The following TRDN variants were observed in gnomAD, a reference collection of about 807,000 sequenced individuals.
TRDN encodes the protein triadin, also known as triadin in skeletal muscle.
TRDN carries 161 observed loss-of-function variants against 149.7 expected under a neutral mutation model. The observed-to-expected ratio is 1.08, with a 90% CI of 0.95 to 1.23. The LOEUF (loss-of-function observed/expected upper bound fraction) is 1.23, where lower values mean the gene tolerates loss of function less well. Among genes scored for constraint, TRDN ranks in the 50% most tolerant of loss-of-function variants. The pLI is 0.00. For missense variants in TRDN, 896 were observed against 823.5 expected (o/e 1.09, Z -1.08); for synonymous variants, 294 against 250.5 (o/e 1.17, Z -1.64).
chr6:123,466,142 T>G (rs1776797306), intron 9 of TRDN, among the ~76,000 whole-genome samples: 1 of 152,186 alleles, frequency 6.6e-6, no homozygotes. Flanking sequence ...TAGAAAAATA[T>G]CCATTCATAA....
intron 1 of TRDN, among the ~76,000 whole-genome samples, chr6:123,612,363 A>T (rs1784861847): frequency 1.3e-5 from 2 of 151,674 alleles, no homozygotes. Flanking sequence ...TACATATGTA[A>T]CAAACCTGCA....
chr6:123,285,758 G>A (rs576450427), intron 24 of TRDN, among the ~76,000 whole-genome samples: 1 of 152,246 alleles, frequency 6.6e-6, no homozygotes, highest in East Asian at 1.9e-4. Context: ...ACAACCTACA[G>A]AGTGGGAGAA....
chr6:123,313,687 G>C (rs547514277), intron 24 of TRDN, among the ~76,000 whole-genome samples: 10 of 151,982 alleles, frequency 6.6e-5, no homozygotes, highest in South Asian at 4.2e-4. Flanking sequence ...CGATAGAACA[G>C]ATTAGAGAAC....
intron 19 of TRDN, among the ~76,000 whole-genome samples, chr6:123,372,159 T>C (rs1781349396): frequency 6.6e-6 from 1 of 152,066 alleles, no homozygotes; most frequent in Non-Finnish European, 1.5e-5. Context: ...TGCCAGAGTA[T>C]TTAAACTGAG....
At chr6:123,286,368 C>T (rs1433682193) in intron 24 of TRDN, among the ~76,000 whole-genome samples, 1 of 152,020 alleles carries the variant, frequency 6.6e-6, no homozygotes, top group Admixed American at 6.6e-5. Flanking sequence ...GAATTAATGA[C>T]ATTCACAGCA....
In TRDN at chr6:123,460,363, T is replaced by C. The variant is rs1175861985; in HGVS notation, c.931+4543A>G. Among the ~76,000 whole-genome samples, 6 of 152,156 alleles carry C rather than the reference T, an allele frequency of 3.9e-5. 1 individual carries two copies. Among genetic ancestry groups the C allele is most frequent in the Non-Finnish European group, 5.9e-5 (4 of 67,992 alleles). On this transcript the variant is annotated intron_variant, in intron 10 of 40. Coordinates refer to ENST00000334268, the MANE Select transcript of TRDN (RefSeq NM_006073.4). ...AAGAAATTTCCTGATGTAAAAAATA[T>C]TAACAGCAACCAATGGTTGAGTATC...
rs1197905831 is a variant in TRDN, at chr6:123,337,617, A to G, written c.1420+2T>C. On this transcript the variant is annotated splice_donor_variant, in intron 22 of 40. Transcript: ENST00000334268. LOFTEE classifies it high-confidence loss of function. ...AATATTATATTAAATTAACTCTGTT[A>G]CCTTTATCTTTCAGAATTGAAGAAG... is the stretch of plus-strand genomic sequence containing the variant. The G allele has an allele frequency of 2.9e-6, 4 of 1,359,508 alleles. No individual in the cohort carries two copies. Among genetic ancestry groups the G allele is most frequent in the Non-Finnish European group, 4.0e-6 (4 of 1,005,250 alleles). 84.2% of individuals were successfully genotyped at this position (1,359,508 alleles called of 1,614,324 possible). A position where few individuals can be genotyped will look rare whatever the true frequency, so the allele number is the denominator to read the frequency against.
In TRDN at chr6:123,498,929, G is replaced by A. The variant is rs140056072; in HGVS notation, c.794-1677C>T. Among the ~76,000 whole-genome samples the A allele has an allele frequency of 2.8e-3, 419 of 152,140 alleles. 1 individual carries two copies. The highest frequency in any genetic ancestry group is 4.1e-3 in the Admixed American group (62 of 15,282). On this transcript the variant is annotated intron_variant, in intron 8 of 40. Transcript: ENST00000334268. Reference sequence around the variant, plus strand: ...AGTTCTCAAAGGGCAACTTAAACACGAGAAAGAGAGAGGAGTTGTCAAAAT... The same window carrying A: ...AGTTCTCAAAGGGCAACTTAAACACAAGAAAGAGAGAGGAGTTGTCAAAAT...
At chr6:123,570,330 A>C (rs1782501275) in intron 2 of TRDN, among the ~76,000 whole-genome samples, 1 of 152,220 alleles carries the variant, frequency 6.6e-6, no homozygotes, top group Non-Finnish European at 1.5e-5. Context: ...ATGTCAAAAT[A>C]AATAAATACA....
intron 2 of TRDN, among the ~76,000 whole-genome samples, chr6:123,552,302 T>A (rs1781440016): frequency 6.6e-6 from 1 of 152,122 alleles, no homozygotes; most frequent in African/African-American, 2.4e-5. Flanking sequence ...AGATTTTTAT[T>A]TGTCCTCTGG....
intron 12 of TRDN, among the ~76,000 whole-genome samples, chr6:123,409,266 G>T (rs760055611): frequency 1.6e-4 from 24 of 152,156 alleles, no homozygotes; most frequent in Non-Finnish European, 2.9e-4. Context: ...AGTTTACAAG[G>T]CTCTTTGACA....
At chr6:123,454,841 C>T (rs796377645) in intron 10 of TRDN, among the ~76,000 whole-genome samples, 16 of 152,266 alleles carry the variant, frequency 1.1e-4, no homozygotes, top group African/African-American at 3.9e-4. Context: ...ATCCTGAAAC[C>T]ATCCCTCCTC....
chr6:123,484,674 G>A (rs1256242089), intron 9 of TRDN, among the ~76,000 whole-genome samples: 1 of 152,102 alleles, frequency 6.6e-6, no homozygotes. Context: ...TAGTGACAAA[G>A]CTAGACCAAA....
intron 1 of TRDN, among the ~76,000 whole-genome samples, chr6:123,603,446 C>A (rs2114656311): frequency 6.6e-6 from 1 of 151,856 alleles, no homozygotes; most frequent in Middle Eastern, 3.4e-3. Flanking sequence ...TTTCAAGACA[C>A]TTTATTTTGG....
chr6:123,562,119 C>A (rs1206806619), intron 2 of TRDN, among the ~76,000 whole-genome samples: 1 of 152,156 alleles, frequency 6.6e-6, no homozygotes, highest in Non-Finnish European at 1.5e-5. Context: ...CATCCTGGCT[C>A]AAAAGCTCCC....
At chr6:123,441,809 A>T (rs1387470226) in intron 10 of TRDN, among the ~76,000 whole-genome samples, 1 of 152,136 alleles carries the variant, frequency 6.6e-6, no homozygotes, top group Non-Finnish European at 1.5e-5. Flanking sequence ...TTTTTGTCTT[A>T]TGTTTTGTTC....
chr6:123,289,196 A>C (rs1167578338), intron 24 of TRDN, among the ~76,000 whole-genome samples: 1 of 149,860 alleles, frequency 6.7e-6, no homozygotes, highest in African/African-American at 2.4e-5. Context: ...GATACTATAC[A>C]GCCTTAAAAA....
chr6:123,574,809 C>T (rs1782747543), intron 1 of TRDN, among the ~76,000 whole-genome samples: 2 of 145,090 alleles, frequency 1.4e-5, no homozygotes, highest in African/African-American at 5.0e-5. Context: ...ATCCTGGTCA[C>T]ATTGTAAAAA....
At chr6:123,378,707 A>G (rs1329437740) in intron 16 of TRDN, among the ~76,000 whole-genome samples, 3 of 152,214 alleles carry the variant, frequency 2.0e-5, no homozygotes, top group South Asian at 4.1e-4. Flanking sequence ...CTTACATGGA[A>G]GAAATAGCTG....
Sources: allele counts gnomAD v4.1 joint callset (sites outside exome capture counted in the v4.1 genomes callset), GRCh38; gene constraint gnomAD v4.1.1; transcripts MANE v1.5; gene names NCBI Gene and HGNC (gene_info 2026-07-23, HGNC 2026-07-21).